BRD8: variants seen among roughly 807,000 people sequenced by gnomAD.
The protein encoded by BRD8 is bromodomain-containing protein 8.
A neutral mutation model predicts 143.1 loss-of-function variants in BRD8; 67 were observed. The observed-to-expected ratio is 0.47, with a 90% CI of 0.38 to 0.57. BRD8 has a LOEUF of 0.57. Ranked by LOEUF, BRD8 falls within the 20% of genes least tolerant of loss-of-function variation. The probability of loss-of-function intolerance (pLI) is 0.00; values close to 1 mark genes in which losing one functional copy is unlikely to be tolerated. For synonymous variants in BRD8, 505 were observed against 517.1 expected (o/e 0.98, Z 0.32); for missense variants, 1,103 against 1,503.0 (o/e 0.73, Z 4.40).
Position 138,161,884 on chromosome 5 carries a change from T to G in BRD8, c.2181-20A>C. ...GCATACCTGTCCAAAAGGAATAAGG[T>G]GCAATTACTGACATTCTCCAGAAGT... On this transcript the variant is annotated intron_variant, in intron 16 of 26. Coordinates refer to ENST00000254900, the MANE Select transcript of BRD8 (RefSeq NM_139199.2). The G allele has an allele frequency of 6.2e-7, 1 of 1,613,346 alleles. No homozygotes were observed. Among genetic ancestry groups the G allele is most frequent in the Non-Finnish European group, 8.5e-7 (1 of 1,179,400 alleles).
chr5:138,163,989 A>C, intron 14 of BRD8, 98 bp downstream of exon 14: 5 of 1,392,928 alleles, frequency 3.6e-6, no homozygotes, highest in Non-Finnish European at 4.0e-6. Flanking sequence ...GTCTCTTATC[A>C]GAGAATAAAG....
chr5:138,152,303 T>C (rs1304764472), intron 21 of BRD8, among the ~76,000 whole-genome samples, 179 bp downstream of exon 21: 1 of 152,234 alleles, frequency 6.6e-6, no homozygotes, highest in South Asian at 2.1e-4. Flanking sequence ...AAAGCATGTA[T>C]TTGGTGCATA....
chr5:138,152,021 A>C (rs1174781521), intron 21 of BRD8, among the ~76,000 whole-genome samples: 3 of 151,850 alleles, frequency 2.0e-5, no homozygotes, highest in African/African-American at 7.3e-5. Context: ...CGCCCGGCTA[A>C]TTTTTTGTAT....
intron 26 of BRD8, 51 bp downstream of exon 26, chr5:138,140,654 A>G (rs746131695): frequency 6.4e-7 from 1 of 1,556,898 alleles, no homozygotes; most frequent in Non-Finnish European, 8.9e-7. Flanking sequence ...TTATTCTCAT[A>G]GGCGTTCTGA....
chr5:138,170,629 T>C (rs940352480), intron 6 of BRD8: 31 of 780,176 alleles, frequency 4.0e-5, no homozygotes, highest in African/African-American at 3.9e-4. Flanking sequence ...AACTAAGTTA[T>C]GTTTTCATAC....
chr5:138,159,471 T>A, intron 20 of BRD8, 84 bp downstream of exon 20: 1 of 1,431,924 alleles, frequency 7.0e-7, no homozygotes, highest in African/African-American at 1.4e-5. Context: ...AGTCTGCATG[T>A]TGGATTTCCC....
intron 23 of BRD8, among the ~76,000 whole-genome samples, chr5:138,148,184 A>C (rs1054450851): frequency 6.6e-6 from 1 of 151,640 alleles, no homozygotes; most frequent in Non-Finnish European, 1.5e-5. Context: ...AAAGAAAAAA[A>C]AAAGGGAAAA....
At chr5:138,166,150 G>A (rs190180941) in intron 10 of BRD8, 42 bp from the exon 11 acceptor site, 295 of 1,457,190 alleles carry the variant, frequency 2.0e-4, no homozygotes, top group Non-Finnish European at 1.1e-5. Context: ...AGCTTATTGG[G>A]TACAAAGCGA....
In BRD8 at chr5:138,156,962, A is replaced by T. The variant is rs185222902; in HGVS notation, c.2577+2593T>A. 812 of 1,321,936 alleles carry T rather than the reference A, an allele frequency of 6.1e-4. 3 individuals carry two copies. Among genetic ancestry groups the T allele is most frequent in the East Asian group, 3.4e-3 (116 of 33,674 alleles). The allele number at this position is 1,321,936 out of a possible 1,614,324, so 81.9% of individuals were successfully genotyped here. A position where few individuals can be genotyped will look rare whatever the true frequency, so the allele number is the denominator to read the frequency against. On this transcript the variant is annotated intron_variant, in intron 20 of 26. Transcript: ENST00000254900. ...TTTTTAAAAAGTCTGTACAATTGACAAGACAATACAAACTAGCTACGATCT... is the reference window on the plus strand; with the variant it reads ...TTTTTAAAAAGTCTGTACAATTGACTAGACAATACAAACTAGCTACGATCT...
At chr5:138,158,736 C>G (rs1342054611) in intron 20 of BRD8, among the ~76,000 whole-genome samples, 2 of 151,476 alleles carry the variant, frequency 1.3e-5, no homozygotes, top group Non-Finnish European at 2.9e-5. Flanking sequence ...AGCCACCACA[C>G]CCAGCCACAG....
chr5:138,173,036 G>C lies in BRD8; in HGVS notation c.117-902C>G, dbSNP rs936272170. Reference sequence around the variant, plus strand: ...GGAGGAAGACACTGCATATAATTTTGAATCTTATGACTTAGTATCTGCTGA... The same window carrying C: ...GGAGGAAGACACTGCATATAATTTTCAATCTTATGACTTAGTATCTGCTGA... On this transcript the variant is annotated intron_variant, in intron 2 of 26. Transcript: ENST00000254900. Among the ~76,000 whole-genome samples, 30 of 152,238 alleles carry C rather than the reference G, an allele frequency of 2.0e-4. 1 individual carries two copies. The highest frequency in any genetic ancestry group is 1.7e-3 in the Admixed American group (26 of 15,284).
chr5:138,163,075 A>G, intron 15 of BRD8, 55 bp downstream of exon 15: 1 of 1,476,694 alleles, frequency 6.8e-7, no homozygotes, highest in Middle Eastern at 2.2e-4. Flanking sequence ...GAAGGAAAAG[A>G]TCCTCTCCTC....
At chr5:138,150,715 C>T in intron 22 of BRD8, 30 bp downstream of exon 22, 1 of 1,577,320 alleles carries the variant, frequency 6.3e-7, no homozygotes, top group Non-Finnish European at 8.6e-7. Context: ...AGAAGACCAA[C>T]AAGACAGCTG....
At chr5:138,177,782 T>C in intron 1 of BRD8, 115 bp from the exon 2 acceptor site, 1 of 590,098 alleles carries the variant, frequency 1.7e-6, no homozygotes, top group Non-Finnish European at 3.0e-6. Flanking sequence ...TCCCAACTTG[T>C]TAGGACAAAG....
rs774113319 is a variant in BRD8 at position 138,162,101 on chromosome 5, A to G, written c.2133T>C (p.Ile711=). 3 of 1,614,046 alleles carry G rather than the reference A, an allele frequency of 1.9e-6. No individual in the cohort carries two copies. The highest frequency in any genetic ancestry group is 2.2e-5 in the South Asian group (2 of 91,070). ...EDQEAIQAQK[I]WKKAIMLVWR... ...ATACAAGCATGATGGCTTTCTTCCAAATTTTCTGTGCCTGAATAGCTTCCT... is the reference window on the plus strand; with the variant it reads ...ATACAAGCATGATGGCTTTCTTCCAGATTTTCTGTGCCTGAATAGCTTCCT... Residue 711 remains isoleucine, a synonymous_variant, in exon 16 of 27, where the codon ATT becomes ATC. Coordinates refer to ENST00000254900, the MANE Select transcript of BRD8 (RefSeq NM_139199.2).
At chr5:138,160,652 T>G (rs1752935751) in intron 18 of BRD8, among the ~76,000 whole-genome samples, 1 of 152,174 alleles carries the variant, frequency 6.6e-6, no homozygotes, top group African/African-American at 2.4e-5. Flanking sequence ...TTTAAAAAAT[T>G]TTATTTAAAA....
intron 22 of BRD8, 47 bp downstream of exon 22, chr5:138,150,698 C>G (rs776764483): frequency 1.3e-6 from 2 of 1,556,420 alleles, no homozygotes; most frequent in Admixed American, 3.9e-5. Flanking sequence ...GTTCTGCTTC[C>G]CTAGGCAGAA....
chr5:138,172,207 T>C, intron 2 of BRD8, 73 bp from the exon 3 acceptor site: 4 of 1,247,198 alleles, frequency 3.2e-6, no homozygotes, highest in Non-Finnish European at 4.6e-6. Context: ...AGTGCAAGGC[T>C]TGGAGTTCAA....
chr5:138,151,653 ATTTT>A (rs913516230), intron 21 of BRD8, among the ~76,000 whole-genome samples: 1 of 79,652 alleles, frequency 1.3e-5, no homozygotes, highest in African/African-American at 3.0e-5. Context: ...AAAAGCATGT[ATTTT>A]TTTATTTTTA....
Sources: gnomAD v4.1 joint callset for allele counts (sites outside exome capture counted in the v4.1 genomes callset) on GRCh38, gnomAD v4.1.1 for gene constraint, MANE v1.5 for transcripts, NCBI Gene and HGNC (gene_info 2026-07-23, HGNC 2026-07-21) for gene names.